The following NCOA7 variants were observed in gnomAD, a reference collection of about 807,000 sequenced individuals.
The protein encoded by NCOA7 is 140 kDa estrogen receptor-associated protein.
Under a neutral mutation model 104.3 loss-of-function variants are expected in NCOA7, and 45 were observed. The observed-to-expected ratio is 0.43, with a 90% CI of 0.34 to 0.55. The LOEUF (loss-of-function observed/expected upper bound fraction) is 0.55. NCOA7 is among the 20% of genes least tolerant of loss of function. NCOA7 has a pLI of 0.02. For synonymous variants in NCOA7, 398 were observed against 402.3 expected, an observed-to-expected ratio of 0.99 and a Z score of 0.13; for missense variants, 1,041 against 1,119.7, an observed-to-expected ratio of 0.93 and a Z score of 1.00.
Position 125,908,772 on chromosome 6 carries a change from T to C in NCOA7, c.2097-6561T>C, listed in dbSNP as rs571962603. Among the ~76,000 whole-genome samples, 9 of 152,348 alleles carry C rather than the reference T, an allele frequency of 5.9e-5. 1 individual carries two copies. The South Asian group carries it at 1.9e-3, about 32-fold the overall frequency. ...ATAATTAAACAGGACAATATAATCA[T>C]GTCCCTGAGCAACTTGATGTTTTTG... On this transcript the variant is annotated intron_variant, in intron 10 of 15. Transcript: ENST00000392477.
At chr6:125,848,654 G>T (rs1417481289) in intron 2 of NCOA7, among the ~76,000 whole-genome samples, 1 of 152,090 alleles carries the variant, frequency 6.6e-6, no homozygotes, top group Non-Finnish European at 1.5e-5. Flanking sequence ...CTGTCGGGGG[G>T]TGGTGGTTGG....
At chr6:125,790,091 T>C (rs1422739736), upstream of NCOA7, among the ~76,000 whole-genome samples, 2 of 152,188 alleles carry the variant, frequency 1.3e-5, no homozygotes, top group East Asian at 3.9e-4. Flanking sequence ...GCCCAACTGC[T>C]ATGTTCTTAT....
At chr6:125,921,686 G>T (rs1434622226) in intron 12 of NCOA7, among the ~76,000 whole-genome samples, 2 of 152,038 alleles carry the variant, frequency 1.3e-5, no homozygotes, top group Non-Finnish European at 2.9e-5. Flanking sequence ...CTTTAAAAAG[G>T]ATCCAAATTT....
At chr6:125,919,414 G>A (rs55917259) in intron 11 of NCOA7, 182 of 1,612,660 alleles carry the variant, frequency 1.1e-4, no homozygotes, top group Middle Eastern at 3.3e-4. Context: ...CAGACCTGAC[G>A]AAGAGCCTTT....
chr6:125,823,530 A>G (rs550303751), intron 2 of NCOA7, among the ~76,000 whole-genome samples: 1 of 152,290 alleles, frequency 6.6e-6, no homozygotes, highest in East Asian at 1.9e-4. Flanking sequence ...TTCTCATTTG[A>G]GTTCAGACCA....
At chr6:125,785,203 T>C (rs1774407717) in intron 1 of NCOA7, among the ~76,000 whole-genome samples, 1 of 151,898 alleles carries the variant, frequency 6.6e-6, no homozygotes, top group Non-Finnish European at 1.5e-5. Flanking sequence ...CCGGGTGTGG[T>C]GGTGGGCGCC....
intron 5 of NCOA7, among the ~76,000 whole-genome samples, chr6:125,879,881 A>C (rs1369290260): frequency 1.3e-5 from 2 of 152,078 alleles, no homozygotes; most frequent in African/African-American, 4.8e-5. Flanking sequence ...GTGGGTTCCT[A>C]TAATCCCAGC....
intron 3 of NCOA7, among the ~76,000 whole-genome samples, chr6:125,865,029 C>T (rs1782331671): frequency 7.2e-6 from 1 of 138,320 alleles, no homozygotes; most frequent in African/African-American, 3.0e-5. Context: ...GCAGAAAGAA[C>T]TATTTTCCAT....
At chr6:125,837,043 T>C (rs1008042029) in intron 2 of NCOA7, among the ~76,000 whole-genome samples, 3 of 152,212 alleles carry the variant, frequency 2.0e-5, no homozygotes, top group Non-Finnish European at 4.4e-5. Context: ...CAAAATACCT[T>C]ACATTATTCT....
intron 10 of NCOA7, among the ~76,000 whole-genome samples, chr6:125,905,108 A>G (rs538736938): frequency 4.6e-5 from 7 of 152,338 alleles, no homozygotes; most frequent in African/African-American, 1.7e-4. Flanking sequence ...CATCCAGACC[A>G]CAGCGTGAGT....
chr6:125,828,961 T>C (rs919039753), intron 2 of NCOA7, among the ~76,000 whole-genome samples: 5 of 152,196 alleles, frequency 3.3e-5, no homozygotes, highest in African/African-American at 1.2e-4. Flanking sequence ...TTCCTACTTG[T>C]ATCTAATTCC....
At chr6:125,895,474 T>A (rs1410336072) in intron 10 of NCOA7, among the ~76,000 whole-genome samples, 1 of 152,244 alleles carries the variant, frequency 6.6e-6, no homozygotes, top group Admixed American at 6.5e-5. Context: ...GGAAAAAATC[T>A]ATTTTGCAAT....
At chr6:125,803,321 G>C (rs1776087786) in intron 1 of NCOA7, among the ~76,000 whole-genome samples, 1 of 152,076 alleles carries the variant, frequency 6.6e-6, no homozygotes, top group African/African-American at 2.4e-5. Flanking sequence ...CCTGTTTCCT[G>C]ATTATTTTAT....
At chr6:125,894,329 G>T (rs555848110) in intron 10 of NCOA7, among the ~76,000 whole-genome samples, 1 of 152,142 alleles carries the variant, frequency 6.6e-6, no homozygotes, top group East Asian at 1.9e-4. Flanking sequence ...CACTGGTCGC[G>T]TACTAGACTC....
intron 3 of NCOA7, among the ~76,000 whole-genome samples, chr6:125,856,636 G>C (rs978095065): frequency 6.6e-6 from 1 of 152,082 alleles, no homozygotes; most frequent in African/African-American, 2.4e-5. Flanking sequence ...ACAGGCGTGA[G>C]CCACCATGCC....
intron 2 of NCOA7, among the ~76,000 whole-genome samples, chr6:125,819,578 T>C (rs528620051): frequency 2.6e-5 from 4 of 152,318 alleles, no homozygotes; most frequent in African/African-American, 9.6e-5. Flanking sequence ...AATTAGTATA[T>C]GTCTATATTA....
chr6:125,850,649 A>G (rs893926176), intron 2 of NCOA7, among the ~76,000 whole-genome samples: 3 of 152,218 alleles, frequency 2.0e-5, no homozygotes, highest in Admixed American at 6.6e-5. Context: ...AAGTGGAAAA[A>G]TTCAAAAGAT....
intron 3 of NCOA7, among the ~76,000 whole-genome samples, chr6:125,869,815 G>A (rs1038697492): frequency 1.3e-5 from 2 of 152,200 alleles, no homozygotes; most frequent in African/African-American, 4.8e-5. Context: ...GAGAGAAAAG[G>A]CAAGGGAACC....
intron 13 of NCOA7, among the ~76,000 whole-genome samples, chr6:125,926,585 T>G (rs544594691): frequency 6.6e-6 from 1 of 152,318 alleles, no homozygotes; most frequent in East Asian, 1.9e-4. Flanking sequence ...TATTTCTTTG[T>G]TCTTAGCAGC....
Sources: gnomAD v4.1 joint callset for allele counts (sites outside exome capture counted in the v4.1 genomes callset) on GRCh38, gnomAD v4.1.1 for gene constraint, MANE v1.5 for transcripts, NCBI Gene and HGNC (gene_info 2026-07-23, HGNC 2026-07-21) for gene names.